The following SYCP2 variants were observed in gnomAD, a reference collection of about 807,000 sequenced individuals.
SYCP2 encodes synaptonemal complex lateral element protein.
In SYCP2, 55 loss-of-function variants were observed where a neutral mutation model predicts 211.3. The observed-to-expected ratio is 0.26, with a 90% CI of 0.21 to 0.33. The LOEUF (loss-of-function observed/expected upper bound fraction) is 0.33, where lower values mean the gene tolerates loss of function less well. SYCP2 is among the 10% of genes least tolerant of loss of function. The pLI is 1.00. For missense variants in SYCP2, 1,731 were observed against 1,752.0 expected, an observed-to-expected ratio of 0.99 and a Z score of 0.21; for synonymous variants, 570 against 555.2, an observed-to-expected ratio of 1.03 and a Z score of -0.37.
At chr20:59,877,934 G>A in intron 32 of SYCP2, 74 bp downstream of exon 32, 2 of 1,131,256 alleles carry the variant, frequency 1.8e-6, no homozygotes, top group Non-Finnish European at 2.6e-6. Context: ...AAAATTATGA[G>A]ATGATGAATT....
intron 35 of SYCP2, 134 bp from the exon 36 acceptor site, chr20:59,870,117 T>G: frequency 1.8e-6 from 1 of 557,518 alleles, no homozygotes; most frequent in Non-Finnish European, 3.0e-6. Flanking sequence ...AAAATTCAAT[T>G]CCAATTCATA....
chr20:59,867,261 C>A (rs1044029565), intron 39 of SYCP2, among the ~76,000 whole-genome samples: 3 of 151,190 alleles, frequency 2.0e-5, no homozygotes, highest in African/African-American at 7.3e-5. Context: ...TTTTAAAAAG[C>A]ATTTTTGCAT....
chr20:59,909,845 G>A (rs1490495078), intron 14 of SYCP2, among the ~76,000 whole-genome samples: 1 of 152,144 alleles, frequency 6.6e-6, no homozygotes, highest in Non-Finnish European at 1.5e-5. Context: ...AAGGAAATAA[G>A]ACAATGTGGA....
At chr20:59,895,380 C>A (rs1428920262) in intron 20 of SYCP2, 57 bp downstream of exon 20, 2 of 1,453,038 alleles carry the variant, frequency 1.4e-6, no homozygotes, top group South Asian at 1.3e-5. Context: ...TAGCTCAATA[C>A]ATATTTCCAC....
chr20:59,915,261 GT>G, intron 9 of SYCP2, 62 bp from the exon 10 acceptor site: 2 of 1,283,504 alleles, frequency 1.6e-6, no homozygotes, highest in South Asian at 1.3e-5. Context: ...AAGTCCACAT[GT>G]TTAGGAGGAA....
At chr20:59,904,029 TAAGAA>T (rs1302658660) in intron 15 of SYCP2, among the ~76,000 whole-genome samples, 4 of 152,160 alleles carry the variant, frequency 2.6e-5, no homozygotes, top group Non-Finnish European at 4.4e-5. Context: ...TTTGTAGGCT[TAAGAA>T]GAGAACCTCT....
chr20:59,900,742 A>G lies in SYCP2; in HGVS notation c.1257+2T>C, dbSNP rs1354136839. The G allele has an allele frequency of 1.2e-6, 2 of 1,611,866 alleles. No homozygotes were observed. The highest frequency in any genetic ancestry group is 1.1e-5 in the South Asian group (1 of 90,962). On this transcript the variant is annotated splice_donor_variant, in intron 17 of 44. Transcript: ENST00000357552. LOFTEE classifies it high-confidence loss of function. ...TAAAAATCAAGTAAGTCTGAGACAT[A>G]CCTGTGATCCACTTGCGTCAAAAAG...
intron 24 of SYCP2, 118 bp downstream of exon 24, chr20:59,891,872 A>AT (rs780281806): frequency 7.7e-5 from 69 of 890,990 alleles, no homozygotes; most frequent in Non-Finnish European, 1.1e-4. Context: ...TGGGCACTGA[A>AT]TTAAACAAGG....
chr20:59,873,704 C>G, intron 35 of SYCP2, 152 bp downstream of exon 35: 1 of 591,398 alleles, frequency 1.7e-6, no homozygotes, highest in South Asian at 2.5e-5. Flanking sequence ...AAGTATCTCT[C>G]TCTTGTCATT....
intron 36 of SYCP2, 33 bp downstream of exon 36, chr20:59,869,765 A>C (rs769021101): frequency 7.2e-7 from 1 of 1,382,348 alleles, no homozygotes; most frequent in South Asian, 1.3e-5. Context: ...TCTTAGTGTA[A>C]GGAAAATTTA....
At chr20:59,882,760 A>C in intron 26 of SYCP2, among the ~76,000 whole-genome samples, 1 of 152,078 alleles carries the variant, frequency 6.6e-6, no homozygotes, top group South Asian at 2.1e-4. Context: ...TAGAACGGTG[A>C]TTATCAGAGG....
chr20:59,885,722 G>A (rs969603023), intron 26 of SYCP2, among the ~76,000 whole-genome samples: 1 of 152,136 alleles, frequency 6.6e-6, no homozygotes, highest in African/African-American at 2.4e-5. Flanking sequence ...GCTCATATGT[G>A]TAAAAGAAGC....
intron 35 of SYCP2, among the ~76,000 whole-genome samples, chr20:59,870,647 A>G (rs1313462670): frequency 6.6e-6 from 1 of 151,850 alleles, no homozygotes; most frequent in Non-Finnish European, 1.5e-5. Flanking sequence ...TAATTCTAAA[A>G]TGTATATGAA....
At chr20:59,908,393 T>A (rs568705397) in intron 14 of SYCP2, among the ~76,000 whole-genome samples, 1 of 152,208 alleles carries the variant, frequency 6.6e-6, no homozygotes, top group East Asian at 1.9e-4. Context: ...TTGAAACCAG[T>A]CACACCCTGA....
chr20:59,874,976 C>A, intron 34 of SYCP2, among the ~76,000 whole-genome samples: 1 of 151,932 alleles, frequency 6.6e-6, no homozygotes, highest in Non-Finnish European at 1.5e-5. Context: ...AAAAAAAGCA[C>A]ATTAAAATTA....
rs1172164956 is a variant in SYCP2, at chr20:59,880,487, T to C, written c.2773-16A>G. ...TTGTTATAATCTATAAAAAAAAGTT[T>C]GAAATGCATGAAGAAATACTACATC... On this transcript the variant is annotated splice_polypyrimidine_tract_variant and intron_variant, in intron 30 of 44. Coordinates refer to ENST00000357552, the MANE Select transcript of SYCP2 (RefSeq NM_014258.4). The C allele has an allele frequency of 6.9e-7, 1 of 1,456,196 alleles. No homozygotes were observed. The highest frequency in any genetic ancestry group is 9.3e-7 in the Non-Finnish European group (1 of 1,074,186). The allele number at this position is 1,456,196 out of a possible 1,614,324, so 90.2% of individuals were successfully genotyped here. A position where few individuals can be genotyped will look rare whatever the true frequency, so the allele number is the denominator to read the frequency against.
chr20:59,908,985 G>A (rs2060266176), intron 14 of SYCP2, among the ~76,000 whole-genome samples: 1 of 152,134 alleles, frequency 6.6e-6, no homozygotes, highest in Non-Finnish European at 1.5e-5. Context: ...CCATGTAAGT[G>A]AAACTGCTCT....
chr20:59,882,309 T>C (rs2059699679), intron 26 of SYCP2, 144 bp from the exon 27 acceptor site: 1 of 662,692 alleles, frequency 1.5e-6, no homozygotes, highest in South Asian at 1.9e-5. Flanking sequence ...AGACAGGCAA[T>C]AACAGATGCT....
intron 1 of SYCP2, among the ~76,000 whole-genome samples, chr20:59,932,669 G>A (rs1421452352): frequency 1.3e-5 from 2 of 152,132 alleles, no homozygotes; most frequent in Admixed American, 6.5e-5. Context: ...GCGAGACTCC[G>A]TCTCGGGAAA....
Sources: allele counts gnomAD v4.1 joint callset (sites outside exome capture counted in the v4.1 genomes callset), GRCh38; gene constraint gnomAD v4.1.1; transcripts MANE v1.5; gene names NCBI Gene and HGNC (gene_info 2026-07-23, HGNC 2026-07-21).